The following TREML1 variants were observed in gnomAD, a reference collection of about 807,000 sequenced individuals.
TREML1 encodes the protein trem-like transcript 1 protein.
A neutral mutation model predicts 22.8 loss-of-function variants in TREML1; 27 were observed. The observed-to-expected ratio is 1.19, with a 90% CI of 0.87 to 1.64. TREML1 has a LOEUF of 1.64. TREML1 is among the 40% of genes most tolerant of loss of function. TREML1 has a pLI of 0.00. For synonymous variants in TREML1, 153 were observed against 161.9 expected, an observed-to-expected ratio of 0.94 and a Z score of 0.42; for missense variants, 356 against 382.0, an observed-to-expected ratio of 0.93 and a Z score of 0.57.
Position 41,149,511 on chromosome 6 carries a change from A to T in TREML1, c.*93T>A. On this transcript the variant is annotated 3_prime_UTR_variant, in exon 6 of 6. Transcript: ENST00000426005. ...TAGATCTTAAAGTCCCTGGTTGCTC[A>T]GATATCCTAAGGATCCTAGGGCATG... 1 of 1,365,284 alleles carries T rather than the reference A, an allele frequency of 7.3e-7. No homozygotes were observed. Among genetic ancestry groups the T allele is most frequent in the South Asian group, 1.4e-5 (1 of 71,620 alleles). 84.6% of individuals were successfully genotyped at this position (1,365,284 alleles called of 1,614,324 possible).
chr6:41,154,797 G>A (rs1765378675), upstream of TREML1, among the ~76,000 whole-genome samples: 1 of 152,166 alleles, frequency 6.6e-6, no homozygotes, highest in East Asian at 1.9e-4. Flanking sequence ...CCTGTGCCCT[G>A]GACTGGGTCT....
At chr6:41,150,510 C>T (rs769173060) in intron 4 of TREML1, among the ~76,000 whole-genome samples, 197 bp from the exon 5 acceptor site, 10 of 152,116 alleles carry the variant, frequency 6.6e-5, no homozygotes, top group African/African-American at 2.4e-4. Context: ...GCTTCCAGAG[C>T]TCCCTTCAAC....
Position 41,149,900 on chromosome 6 carries a change from G to A in TREML1, c.640C>T (p.His214Tyr), listed in dbSNP as rs930791327. Residue 214 changes from histidine (H) to tyrosine (Y), a missense_variant, in exon 6 of 6, where the codon CAC (histidine) becomes TAC (tyrosine). Coordinates refer to ENST00000426005, the MANE Select transcript of TREML1 (RefSeq NM_178174.4). ...VSGMNPSSVVHHVSDSGPAAE... is the reference protein window; with the variant it reads ...VSGMNPSSVVYHVSDSGPAAE... ...GCCGGTCCAGAGTCACTGACGTGGT[G>A]GACCACTGAGGAGGGATTCTGTAAC... 6.2e-7 allele frequency: 1 copy of A among 1,613,374 alleles called. No homozygotes were observed. The highest frequency in any genetic ancestry group is 8.5e-7 in the Non-Finnish European group (1 of 1,179,646).
chr6:41,151,410 AG>A (rs1446311655), intron 2 of TREML1, 26 bp from the exon 3 acceptor site: 1 of 1,604,046 alleles, frequency 6.2e-7, no homozygotes, highest in Non-Finnish European at 8.5e-7. Flanking sequence ...TGGAGTCAGA[AG>A]GAAACATTTA....
At chr6:41,155,377 C>T (rs562182645), upstream of TREML1, among the ~76,000 whole-genome samples, 35 of 133,736 alleles carry the variant, frequency 2.6e-4, no homozygotes, top group African/African-American at 1.1e-3. Flanking sequence ...GTAAACGTTT[C>T]TCTCTCTCTC....
upstream of TREML1, chr6:41,154,416 G>A (rs368205818): frequency 2.7e-5 from 21 of 763,904 alleles, no homozygotes; most frequent in East Asian, 4.0e-4. Context: ...GCACCTCCAG[G>A]GGTGGGGAAA....
intron 4 of TREML1, among the ~76,000 whole-genome samples, chr6:41,150,568 C>G (rs1221265246): frequency 6.6e-6 from 1 of 152,174 alleles, no homozygotes; most frequent in Non-Finnish European, 1.5e-5. Flanking sequence ...CCCACCTTCT[C>G]CAATGCCTTT....
At chr6:41,154,171 T>G (rs553074555) in intron 1 of TREML1, 75 bp downstream of exon 1, 6 of 1,589,436 alleles carry the variant, frequency 3.8e-6, no homozygotes, top group African/African-American at 1.3e-5. Context: ...GGTGTGGCAT[T>G]CACAATAACA....
chr6:41,152,594 CA>C (rs1460437451), intron 2 of TREML1, among the ~76,000 whole-genome samples: 6 of 151,536 alleles, frequency 4.0e-5, no homozygotes, highest in African/African-American at 1.5e-4. Flanking sequence ...GGGAAGGGGC[CA>C]GGGGTGGTGG....
chr6:41,153,902 A>G lies in TREML1; in HGVS notation c.232T>C (p.Phe78Leu). Residue 78 changes from phenylalanine (F) to leucine (L), a missense_variant, in exon 2 of 6, where the codon TTT becomes CTT. By Grantham distance (22) the Phe-to-Leu change is conservative. Coordinates refer to ENST00000426005, the MANE Select transcript of TREML1 (RefSeq NM_178174.4). ...AGGCCCCCACCCAGGTCTGTGAGAAACGTACGCCTGCCCGCTGGAGCTCTG... is the reference window on the plus strand; with the variant it reads ...AGGCCCCCACCCAGGTCTGTGAGAAGCGTACGCCTGCCCGCTGGAGCTCTG... The part of the protein sequence containing the change: ...DRRAPAGRRT[F>L]LTDLGGGLLQ... 3 of 1,614,132 alleles carry G rather than the reference A, an allele frequency of 1.9e-6. No homozygotes were observed. The highest frequency in any genetic ancestry group is 2.5e-6 in the Non-Finnish European group (3 of 1,180,016).
At chr6:41,151,088 G>T (rs1299336141) in intron 3 of TREML1, among the ~76,000 whole-genome samples, 181 bp from the exon 4 acceptor site, 5 of 152,190 alleles carry the variant, frequency 3.3e-5, no homozygotes, top group Admixed American at 3.3e-4. Context: ...CCTGGCTGAA[G>T]AATCACCAGC....
rs201231028 is a variant in TREML1, at chr6:41,153,903, C to T, written c.231G>A (p.Thr77=). ...GGCCCCCACCCAGGTCTGTGAGAAA[C>T]GTACGCCTGCCCGCTGGAGCTCTGC... is the stretch of plus-strand genomic sequence containing the variant. ...VDRRAPAGRR[T]FLTDLGGGLL... The change falls in exon 2 of 6, where the codon ACG becomes ACA. Residue 77 remains threonine (T), a synonymous_variant. Transcript: ENST00000426005. 9.2e-5 allele frequency: 148 copies of T among 1,614,200 alleles called. No individual in the cohort carries two copies. The highest frequency in any genetic ancestry group is 6.0e-4 in the East Asian group (27 of 44,874).
At position 41,153,767 on chromosome 6, in the gene TREML1, G is replaced by T. The variant is rs200135402; in HGVS notation, c.367C>A (p.Leu123Met). 6.2e-7 allele frequency: 1 copy of T among 1,606,680 alleles called. No homozygotes were observed. ...GCCTAGGATAACTCACCTGGGGGCA[G>T]TATGTTCAGAGAGACTCTGTGCAAA... ...QILHRVSLNI[L>M]PPEEEEETHK... Residue 123 changes from leucine to methionine, a missense_variant, in exon 2 of 6, where the codon CTG (leucine) becomes ATG (methionine). Coordinates refer to ENST00000426005, the MANE Select transcript of TREML1 (RefSeq NM_178174.4).
intron 4 of TREML1, 79 bp downstream of exon 4, chr6:41,150,731 GATTGGACCT>G (rs1315368046): frequency 1.7e-6 from 2 of 1,194,156 alleles, no homozygotes; most frequent in African/African-American, 3.0e-5. Flanking sequence ...TTTGTAGGGG[GATTGGACCT>G]AGACTCCTGG....
At chr6:41,151,238 C>T (rs997626811) in intron 3 of TREML1, 44 bp downstream of exon 3, 2 of 1,541,044 alleles carry the variant, frequency 1.3e-6, no homozygotes, top group African/African-American at 2.7e-5. Context: ...ATTGTCTCCA[C>T]CACCACCCTT....
chr6:41,151,247 T>A, intron 3 of TREML1, 35 bp downstream of exon 3: 1 of 1,579,588 alleles, frequency 6.3e-7, no homozygotes, highest in Non-Finnish European at 8.7e-7. Flanking sequence ...ACCACCACCC[T>A]TCTCCTGGCC....
upstream of TREML1, among the ~76,000 whole-genome samples, chr6:41,154,997 T>G (rs1404832775): frequency 2.6e-5 from 4 of 152,234 alleles, no homozygotes; most frequent in African/African-American, 9.6e-5. Context: ...CTTTTCTATC[T>G]CATTTTCCAT....
Position 41,153,632 on chromosome 6 carries a change from G to A in TREML1, c.376+126C>T. 9.7e-6 allele frequency: 9 copies of A among 930,490 alleles called. No homozygotes were observed. The South Asian group carries it at 1.3e-4, about 14-fold the overall frequency. 57.6% of individuals were successfully genotyped at this position (930,490 alleles called of 1,614,324 possible). On this transcript the variant is annotated intron_variant, in intron 2 of 5. Transcript: ENST00000426005. ...TTTCCGCTCCCTGCAGAGCTGTCAA[G>A]AGGATATCTCCTTGGAATGCCTCCT...
At chr6:41,154,424 A>G, upstream of TREML1, 1 of 717,322 alleles carries the variant, frequency 1.4e-6, no homozygotes, top group East Asian at 2.7e-5. Context: ...AGGGGTGGGG[A>G]AAGGGAGTTC....
Sources: allele counts gnomAD v4.1 joint callset (sites outside exome capture counted in the v4.1 genomes callset), GRCh38; gene constraint gnomAD v4.1.1; transcripts MANE v1.5; gene names NCBI Gene and HGNC (gene_info 2026-07-23, HGNC 2026-07-21).